DSE: variants seen among roughly 807,000 people sequenced by gnomAD.
DSE encodes dermatan sulfate epimerase, also known as dermatan-sulfate epimerase.
A neutral mutation model predicts 84.4 loss-of-function variants in DSE; 36 were observed. The observed-to-expected ratio is 0.43, with a 90% CI of 0.33 to 0.56. DSE has a LOEUF of 0.56. DSE is among the 20% of genes least tolerant of loss of function. DSE has a pLI of 0.06. For synonymous variants in DSE, 410 were observed against 430.1 expected (o/e 0.95, Z 0.58); for missense variants, 862 against 1,169.6 (o/e 0.74, Z 3.84).
intron 2 of DSE, among the ~76,000 whole-genome samples, chr6:116,307,157 C>T (rs1775397212): frequency 6.6e-6 from 1 of 152,182 alleles, no homozygotes; most frequent in South Asian, 2.1e-4. Context: ...TGTGTTTCAT[C>T]TTTCTGTCCC....
intron 2 of DSE, among the ~76,000 whole-genome samples, chr6:116,334,786 GA>G (rs761870908): frequency 6.6e-6 from 1 of 151,630 alleles, no homozygotes; most frequent in Admixed American, 6.6e-5. Context: ...CAACAATGAT[GA>G]AAAAAAGCCC....
At chr6:116,388,755 T>A (rs372820050) in intron 1 of DSE, among the ~76,000 whole-genome samples, 2 of 152,240 alleles carry the variant, frequency 1.3e-5, no homozygotes, top group African/African-American at 4.8e-5. Context: ...TGTGACTGTG[T>A]AAGCATGTTT....
intron 2 of DSE, among the ~76,000 whole-genome samples, chr6:116,360,188 C>A (rs1240099233): frequency 1.3e-5 from 2 of 152,016 alleles, no homozygotes; most frequent in Non-Finnish European, 2.9e-5. Context: ...CACACTGGGG[C>A]CTGTGGGTGA....
chr6:116,399,360 A>T lies in DSE; in HGVS notation c.110A>T (p.Asn37Ile), dbSNP rs371802983. The change falls in exon 2 of 6, where the codon AAT becomes ATT. Residue 37 changes from asparagine (N) to isoleucine (I), a missense_variant. Coordinates refer to ENST00000644252, the MANE Select transcript of DSE (RefSeq NM_013352.4). ...CCAGAAGTTATGATTCCCTTCACCA[A>T]TGCCAACTACGACAGCCATCCCATG... Reference protein sequence around the residue: ...ENPEVMIPFTNANYDSHPMLY... With the variant: ...ENPEVMIPFTIANYDSHPMLY... 92 of 1,614,064 alleles carry T rather than the reference A, an allele frequency of 5.7e-5. No homozygotes were observed. The East Asian group carries it at 1.7e-3, about 29-fold the overall frequency.
At chr6:116,435,456 A>G (rs1305505100) in intron 5 of DSE, 131 bp from the exon 6 acceptor site, 5 of 857,856 alleles carry the variant, frequency 5.8e-6, no homozygotes, top group Non-Finnish European at 8.7e-6. Context: ...TATTTTTAGA[A>G]TTGTCCCTAA....
intron 2 of DSE, chr6:116,277,313 TC>T (rs1384580214): frequency 6.6e-6 from 1 of 152,662 alleles, no homozygotes; most frequent in Non-Finnish European, 1.5e-5. Flanking sequence ...AAAGTATTTT[TC>T]CATTCATCAT....
intron 2 of DSE, among the ~76,000 whole-genome samples, chr6:116,349,867 A>C (rs187135530): frequency 6.6e-6 from 1 of 152,310 alleles, no homozygotes; most frequent in East Asian, 1.9e-4. Context: ...GTTGATTTTC[A>C]GAGTGCTAAA....
At position 116,440,903 on chromosome 6, in the gene DSE, T is replaced by G. The variant is rs947302680; in HGVS notation, c.*3558T>G. The G allele has an allele frequency of 6.6e-6, 1 of 152,186 alleles. No individual in the cohort carries two copies. Among genetic ancestry groups the G allele is most frequent in the Non-Finnish European group, 1.5e-5 (1 of 68,022 alleles). The allele number at this position is 152,186 out of a possible 1,614,324, so 9.4% of individuals were successfully genotyped here. On this transcript the variant is annotated 3_prime_UTR_variant, in exon 6 of 6. Coordinates refer to ENST00000644252, the MANE Select transcript of DSE (RefSeq NM_013352.4). ...AATCTACAGATGAGGAAAGCAAGCCTCAAGCAAGGGGGGCCTGATCCTTTC... is the reference window on the plus strand; with the variant it reads ...AATCTACAGATGAGGAAAGCAAGCCGCAAGCAAGGGGGGCCTGATCCTTTC...
intron 2 of DSE, among the ~76,000 whole-genome samples, chr6:116,364,190 TTTTTA>T (rs772591470): frequency 2.4e-4 from 36 of 152,204 alleles, no homozygotes; most frequent in Non-Finnish European, 3.1e-4. Flanking sequence ...TGTTGTTGGG[TTTTTA>T]TTTTGTTATT....
intron 1 of DSE, among the ~76,000 whole-genome samples, chr6:116,396,452 A>G (rs780802684): frequency 1.3e-5 from 2 of 152,154 alleles, no homozygotes; most frequent in Non-Finnish European, 2.9e-5. Flanking sequence ...GTCTTCATAG[A>G]TGATTGTTCT....
chr6:116,258,744 G>A (rs1490956309), exon 2 of DSE: 3 of 1,609,410 alleles, frequency 1.9e-6, no homozygotes, highest in Middle Eastern at 1.6e-4. Context: ...TGCGTGTGGA[G>A]TCCTCCCGGG....
chr6:116,326,906 C>A (rs1050691850), intron 2 of DSE, among the ~76,000 whole-genome samples: 3 of 150,150 alleles, frequency 2.0e-5, no homozygotes, highest in Admixed American at 6.6e-5. Context: ...AAAAATATAA[C>A]TGTAAGTAGA....
In DSE at chr6:116,335,201, G is replaced by T. The variant is rs558302050; in HGVS notation, c.-53-63997G>T. Among the ~76,000 whole-genome samples the T allele has an allele frequency of 3.9e-5, 6 of 152,256 alleles. No individual in the cohort carries two copies. In the East Asian group the frequency reaches 1.2e-3, roughly 29 times the overall value. ...ATGGAATACTATGCAGCCATAAAAA[G>T]GGACAAGATCATGTCCTTTGCAGGG... On this transcript the variant is annotated intron_variant, in intron 2 of 3. Coordinates refer to the DSE transcript ENST00000430252.
At chr6:116,311,328 A>T (rs1224859624) in intron 2 of DSE, among the ~76,000 whole-genome samples, 1 of 152,234 alleles carries the variant, frequency 6.6e-6, no homozygotes, top group Non-Finnish European at 1.5e-5. Context: ...GGGCAGGAAG[A>T]TGAACCACCT....
chr6:116,275,351 A>G (rs972597967), intron 2 of DSE, among the ~76,000 whole-genome samples: 10 of 152,266 alleles, frequency 6.6e-5, no homozygotes, highest in Admixed American at 5.2e-4. Context: ...TCTAATGACT[A>G]AAAGGGGAAA....
chr6:116,421,463 A>ATTTTT (rs71012335), intron 2 of DSE, among the ~76,000 whole-genome samples: 2 of 61,344 alleles, frequency 3.3e-5, no homozygotes, highest in African/African-American at 1.9e-4. Flanking sequence ...ATATATATAT[A>ATTTTT]TTTTTTTTTT....
Position 116,403,738 on chromosome 6 carries a change from C to G in DSE, c.416+4072C>G, listed in dbSNP as rs1295236904. On this transcript the variant is annotated intron_variant, in intron 2 of 5. Coordinates refer to ENST00000644252, the MANE Select transcript of DSE (RefSeq NM_013352.4). ...TTTACAGTGACTATGGGATCAGTTA[C>G]TCTGTAGAACTGACTACTCTCTTGG... is the stretch of plus-strand genomic sequence containing the variant. Among the ~76,000 whole-genome samples the G allele has an allele frequency of 2.6e-5, 4 of 152,284 alleles. No individual in the cohort carries two copies. The South Asian group carries it at 8.3e-4, about 32-fold the overall frequency.
chr6:116,421,711 T>C (rs1156812261), intron 2 of DSE, among the ~76,000 whole-genome samples: 1 of 151,874 alleles, frequency 6.6e-6, no homozygotes, highest in Non-Finnish European at 1.5e-5. Context: ...TCCTCCTACC[T>C]TGGCCTCCTA....
At chr6:116,271,894 A>T (rs1378804877) in intron 2 of DSE, among the ~76,000 whole-genome samples, 1 of 152,202 alleles carries the variant, frequency 6.6e-6, no homozygotes, top group African/African-American at 2.4e-5. Context: ...ACAAGTTTTG[A>T]AAAGTGGATA....
Sources: gnomAD v4.1 joint callset for allele counts (sites outside exome capture counted in the v4.1 genomes callset) on GRCh38, gnomAD v4.1.1 for gene constraint, MANE v1.5 for transcripts, NCBI Gene and HGNC (gene_info 2026-07-23, HGNC 2026-07-21) for gene names.